NCAPD2: variants seen among roughly 807,000 people sequenced by gnomAD.
NCAPD2 encodes non-SMC condensin I complex subunit D2.
Under a neutral mutation model 164.5 loss-of-function variants are expected in NCAPD2, and 100 were observed. The ratio of observed to expected loss-of-function variants is 0.61; its 90% CI spans 0.52 to 0.72. NCAPD2 has a LOEUF of 0.72. Among genes scored for constraint, NCAPD2 ranks in the 30% least tolerant of loss-of-function variants. NCAPD2 has a pLI of 0.00. For missense variants in NCAPD2, 1,560 were observed against 1,749.2 expected, an observed-to-expected ratio of 0.89 and a Z score of 1.93; for synonymous variants, 585 against 642.6, an observed-to-expected ratio of 0.91 and a Z score of 1.36.
Position 6,510,393 on chromosome 12 carries a change from G to C in NCAPD2, c.263-236G>C, listed in dbSNP as rs529508014. ...ACTTTTGAGCTACCTCTTTTTAATA[G>C]GGGTGATTCTTCCAGTTGCTGGAGA... is the stretch of plus-strand genomic sequence containing the variant. On this transcript the variant is annotated intron_variant, in intron 4 of 31. Coordinates refer to ENST00000315579, the MANE Select transcript of NCAPD2 (RefSeq NM_014865.4). 22 of 780,828 alleles carry C rather than the reference G, an allele frequency of 2.8e-5. No individual in the cohort carries two copies. In the Middle Eastern group the frequency reaches 1.8e-3, roughly 64 times the overall value. The allele number at this position is 780,828 out of a possible 1,614,324, so 48.4% of individuals were successfully genotyped here. A position where few individuals can be genotyped will look rare whatever the true frequency, so the allele number is the denominator to read the frequency against.
rs184861835 is a variant in NCAPD2, at chr12:6,520,052, G to A, written c.1590-934G>A. On this transcript the variant is annotated intron_variant, in intron 13 of 31. Transcript: ENST00000315579. ...AAAAATTGGCCAGGTATGGTGGCAC[G>A]TACCTGTAATCCTAGCTATTTGGGG... Among the ~76,000 whole-genome samples the A allele has an allele frequency of 1.6e-4, 25 of 151,554 alleles. No homozygotes were observed. In the East Asian group the frequency reaches 2.7e-3, roughly 16 times the overall value.
intron 2 of NCAPD2, among the ~76,000 whole-genome samples, chr12:6,498,570 A>G (rs144261341): frequency 7.4e-4 from 112 of 152,216 alleles, no homozygotes; most frequent in Non-Finnish European, 1.2e-3. Flanking sequence ...ACCTATGGTA[A>G]TGTTTAATTT....
In NCAPD2 at chr12:6,514,345, T is replaced by C; in HGVS notation, c.668T>C (p.Ile223Thr). Residue 223 changes from isoleucine to threonine, a missense_variant, in exon 7 of 32, where the codon ATA becomes ACA. By Grantham distance (89) the Ile-to-Thr change is moderately conservative (BLOSUM62 -1). Transcript: ENST00000315579. ...HQKNRPTREAITHLLGVALTR... is the reference protein window; with the variant it reads ...HQKNRPTREATTHLLGVALTR... ...AAGAACCGCCCCACTCGGGAAGCCA[T>C]AACACACCTGCTTGGTGTAGCCTTG... 6.2e-7 allele frequency: 1 copy of C among 1,614,194 alleles called. No homozygotes were observed. The highest frequency in any genetic ancestry group is 1.3e-5 in the African/African-American group (1 of 75,042).
chr12:6,510,454 G>A (rs745856138), intron 4 of NCAPD2, 175 bp from the exon 5 acceptor site: 30 of 816,166 alleles, frequency 3.7e-5, no homozygotes, highest in Non-Finnish European at 5.6e-5. Flanking sequence ...AGTAGGAACA[G>A]GGCATGTTCA....
Position 6,516,866 on chromosome 12 carries a change from G to A in NCAPD2, c.1026G>A (p.Ala342=), listed in dbSNP as rs780733818. The A allele has an allele frequency of 3.2e-5, 51 of 1,614,018 alleles. No individual in the cohort carries two copies. Among genetic ancestry groups the A allele is most frequent in the African/African-American group, 2.8e-4 (21 of 74,894 alleles). ...MMRNAVLAAM[A]EMVLQVLSGD... ...GTAATGCTGTGCTGGCAGCCATGGC[G>A]GAGATGGTGCTGCAGGTTCTCAGTG... The change falls in exon 10 of 32, where the codon GCG becomes GCA. Residue 342 remains alanine, a synonymous_variant. Coordinates refer to ENST00000315579, the MANE Select transcript of NCAPD2 (RefSeq NM_014865.4).
At chr12:6,527,283 T>TA (rs1257583641) in intron 22 of NCAPD2, among the ~76,000 whole-genome samples, 2 of 152,176 alleles carry the variant, frequency 1.3e-5, no homozygotes, top group East Asian at 1.9e-4. Context: ...AGTGTGGAGT[T>TA]AGAGACCTCA....
chr12:6,529,412 C>G (rs1946350217), intron 27 of NCAPD2, 101 bp from the exon 28 acceptor site: 15 of 1,068,440 alleles, frequency 1.4e-5, no homozygotes, highest in Non-Finnish European at 1.7e-5. Context: ...TGGCAGAGAA[C>G]ATCAGAGAAG....
At chr12:6,514,229 A>G (rs1307176751) in intron 6 of NCAPD2, 36 bp from the exon 7 acceptor site, 3 of 1,613,722 alleles carry the variant, frequency 1.9e-6, no homozygotes, top group East Asian at 2.2e-5. Flanking sequence ...GGATTCAGAC[A>G]GCTGCTTTCA....
chr12:6,524,367 G>A (rs556075875), intron 17 of NCAPD2, among the ~76,000 whole-genome samples: 41 of 152,240 alleles, frequency 2.7e-4, no homozygotes, highest in African/African-American at 9.6e-4. Context: ...AAGACCAGGC[G>A]CGATGGCTCA....
intron 9 of NCAPD2, 64 bp downstream of exon 9, chr12:6,514,984 T>C (rs972604174): frequency 2.8e-5 from 44 of 1,566,874 alleles, no homozygotes; most frequent in Non-Finnish European, 3.7e-5. Context: ...GTTGAAAGGC[T>C]GTTTCTTAAC....
intron 4 of NCAPD2, 81 bp from the exon 5 acceptor site, chr12:6,510,548 G>A (rs750171309): frequency 2.7e-6 from 4 of 1,466,132 alleles, no homozygotes; most frequent in East Asian, 4.5e-5. Flanking sequence ...GTAATCTGAT[G>A]GCTGCAAGTG....
In NCAPD2 at chr12:6,531,428, C is replaced by T. The variant is rs2137063965; in HGVS notation, c.*16C>T. 1 of 1,612,730 alleles carries T rather than the reference C, an allele frequency of 6.2e-7. No homozygotes were observed. The highest frequency in any genetic ancestry group is 2.2e-5 in the East Asian group (1 of 44,880). The stretch of plus-strand genomic sequence containing the variant: ...CAGATCCTAGGAAGTCTGTTCCTGT[C>T]CTCCCTGTGCAGGGTATCCTGTAGG... On this transcript the variant is annotated 3_prime_UTR_variant, in exon 32 of 32. Coordinates refer to ENST00000315579, the MANE Select transcript of NCAPD2 (RefSeq NM_014865.4). This position sits in a 1 kb window ranked among gnomAD's most constrained non-coding sequence, Gnocchi z 4.1.
intron 1 of NCAPD2, 67 bp from the exon 2 acceptor site, chr12:6,495,009 T>G (rs1371873616): frequency 2.0e-6 from 3 of 1,511,292 alleles, no homozygotes; most frequent in Non-Finnish European, 2.7e-6. Context: ...GATGGGAAAG[T>G]AATAGAACCA....
At chr12:6,504,342 T>TA (rs1946079190) in intron 2 of NCAPD2, among the ~76,000 whole-genome samples, 1 of 151,222 alleles carries the variant, frequency 6.6e-6, no homozygotes, top group Middle Eastern at 3.2e-3. Context: ...CTTAAACACT[T>TA]ATAGCCTACT....
At position 6,531,403 on chromosome 12, in the gene NCAPD2, C is replaced by T. The variant is rs1483831015; in HGVS notation, c.4197C>T (p.His1399=). ...TTCTCAGAGCATCGGCTCGCAGGCA[C>T]AGATCCTAGGAAGTCTGTTCCTGTC... ...TPILRASARR[H]RS The change falls in exon 32 of 32, where the codon CAC becomes CAT. Residue 1399 remains histidine (H), a synonymous_variant. Coordinates refer to ENST00000315579, the MANE Select transcript of NCAPD2 (RefSeq NM_014865.4). The surrounding 1 kb of genome is among the most constrained non-coding windows in gnomAD (Gnocchi z 4.1). 6.2e-7 allele frequency: 1 copy of T among 1,613,648 alleles called. No homozygotes were observed. The highest frequency in any genetic ancestry group is 8.5e-7 in the Non-Finnish European group (1 of 1,179,882).
chr12:6,516,946 T>C lies in NCAPD2; in HGVS notation c.1106T>C (p.Leu369Ser), dbSNP rs1190344409. The change falls in exon 10 of 32, where the codon TTA (leucine) becomes TCA (serine). Residue 369 changes from leucine (L) to serine (S), a missense_variant. Leu to Ser is a moderately radical substitution (Grantham distance 145). Transcript: ENST00000315579. Reference protein sequence around the residue: ...RDTRDQFLDTLQAHGHDVNSF... With the variant: ...RDTRDQFLDTSQAHGHDVNSF... ...ACCAGAGACCAGTTCTTGGATACTT[T>C]ACAAGCCCATGGCCATGATGTCAAC... is the stretch of plus-strand genomic sequence containing the variant. 4 of 1,613,986 alleles carry C rather than the reference T, an allele frequency of 2.5e-6. No individual in the cohort carries two copies. The East Asian group carries it at 8.9e-5, about 36-fold the overall frequency.
intron 6 of NCAPD2, among the ~76,000 whole-genome samples, chr12:6,512,140 C>T (rs1281242257): frequency 4.0e-5 from 6 of 151,074 alleles, no homozygotes; most frequent in Admixed American, 4.0e-4. Flanking sequence ...GGCATGGTGG[C>T]GGGCGCCTCT....
Position 6,509,737 on chromosome 12 carries a change from G to C in NCAPD2, c.148G>C (p.Ala50Pro). 6.2e-7 allele frequency: 1 copy of C among 1,613,932 alleles called. No homozygotes were observed. Among genetic ancestry groups the C allele is most frequent in the Non-Finnish European group, 8.5e-7 (1 of 1,179,950 alleles). The change falls in exon 3 of 32, where the codon GCT becomes CCT. Residue 50 changes from alanine (A) to proline (P), a missense_variant. Transcript: ENST00000315579. ...CATAGCTTTTCAGGCTGCCTTTCGA[G>C]CTCAGGGGCCCCTGGCTATGCTGCA... ...QLRAFQAAFR[A>P]QGPLAMLQHF...
chr12:6,504,212 T>G (rs1004541477), intron 2 of NCAPD2, among the ~76,000 whole-genome samples: 285 of 21,708 alleles, frequency 0.013, 7 homozygotes, highest in South Asian at 0.06. Flanking sequence ...TATATATATA[T>G]ATATAGATAT....
Sources: gnomAD v4.1 joint callset for allele counts (sites outside exome capture counted in the v4.1 genomes callset) on GRCh38, gnomAD v4.1.1 for gene constraint, Gnocchi (gnomAD v3.1) non-coding constraint, MANE v1.5 for transcripts, NCBI Gene and HGNC (gene_info 2026-07-23, HGNC 2026-07-21) for gene names.